The following PLXNA2 variants were observed in gnomAD, a reference collection of about 807,000 sequenced individuals.
The protein encoded by PLXNA2 is plexin A2.
PLXNA2 carries 91 observed loss-of-function variants against 193.5 expected under a neutral mutation model. That is an observed-to-expected ratio of 0.47 (90% CI 0.40 to 0.56). PLXNA2 has a LOEUF of 0.56. PLXNA2 is among the 20% of genes least tolerant of loss of function. PLXNA2 has a pLI of 0.00. For synonymous variants in PLXNA2, 997 were observed against 1,027.3 expected (o/e 0.97, Z 0.56); for missense variants, 1,995 against 2,503.2 (o/e 0.80, Z 4.33).
chr1:208,242,147 C>T (rs1246523956), intron 1 of PLXNA2, among the ~76,000 whole-genome samples: 1 of 152,160 alleles, frequency 6.6e-6, no homozygotes, highest in Non-Finnish European at 1.5e-5. Context: ...AGCTGAATTC[C>T]TCCAGCCAAG....
At chr1:208,064,923 T>C (rs1051769118) in intron 12 of PLXNA2, among the ~76,000 whole-genome samples, 2 of 151,946 alleles carry the variant, frequency 1.3e-5, no homozygotes, top group Admixed American at 6.6e-5. Context: ...CAGGGCTCTC[T>C]CTTAAAAGCA....
intron 9 of PLXNA2, among the ~76,000 whole-genome samples, chr1:208,091,792 C>G (rs1444119827): frequency 6.6e-6 from 1 of 151,058 alleles, no homozygotes; most frequent in Non-Finnish European, 1.5e-5. Flanking sequence ...ATTGCTTGAA[C>G]CCGGGAGGCA....
chr1:208,201,369 G>A (rs955460407), intron 3 of PLXNA2, among the ~76,000 whole-genome samples: 17 of 152,352 alleles, frequency 1.1e-4, no homozygotes, highest in Non-Finnish European at 2.1e-4. Flanking sequence ...AGTACATATT[G>A]TTTGGTGATA....
At chr1:208,205,389 A>G (rs931253965) in intron 3 of PLXNA2, among the ~76,000 whole-genome samples, 1 of 151,972 alleles carries the variant, frequency 6.6e-6, no homozygotes, top group African/African-American at 2.4e-5. Flanking sequence ...CCTCCCCTAC[A>G]TCTGGCCCTA....
intron 3 of PLXNA2, among the ~76,000 whole-genome samples, chr1:208,190,514 T>C (rs1407429111): frequency 3.3e-5 from 5 of 152,240 alleles, no homozygotes; most frequent in Non-Finnish European, 7.3e-5. Context: ...CCAGAAATGT[T>C]GGTTGCCTTG....
At chr1:208,154,691 C>G (rs1222765959) in intron 3 of PLXNA2, among the ~76,000 whole-genome samples, 1 of 152,166 alleles carries the variant, frequency 6.6e-6, no homozygotes, top group Non-Finnish European at 1.5e-5. Context: ...TTTTTGATTT[C>G]CTTTCTAGAT....
chr1:208,232,482 A>G (rs1671721457), intron 1 of PLXNA2, among the ~76,000 whole-genome samples: 1 of 152,162 alleles, frequency 6.6e-6, no homozygotes, highest in Admixed American at 6.5e-5. Flanking sequence ...TATTTCGATG[A>G]AACAAGCTGT....
chr1:208,222,511 T>C (rs567734708), intron 1 of PLXNA2, among the ~76,000 whole-genome samples: 2 of 152,264 alleles, frequency 1.3e-5, no homozygotes, highest in South Asian at 2.1e-4. Context: ...AAATATTTTA[T>C]GTGGAGGGCC....
Position 208,038,768 on chromosome 1 carries a change from C to G in PLXNA2, c.4660+57G>C. The stretch of plus-strand genomic sequence containing the variant: ...CCTGCAAGGGTTGTGTGCATGGCAG[C>G]TTCCCTTCCTTCACCTCTCAACCCC... On this transcript the variant is annotated intron_variant, in intron 25 of 31. Coordinates refer to ENST00000367033, the MANE Select transcript of PLXNA2 (RefSeq NM_025179.4). The surrounding 1 kb of genome is among the most constrained non-coding windows in gnomAD (Gnocchi z 4.1). The G allele has an allele frequency of 1.3e-6, 2 of 1,550,510 alleles. No homozygotes were observed. The highest frequency in any genetic ancestry group is 1.8e-6 in the Non-Finnish European group (2 of 1,131,444).
Position 208,046,003 on chromosome 1 carries a change from T to C in PLXNA2, c.3370A>G (p.Asn1124Asp). 5 of 1,614,226 alleles carry C rather than the reference T, an allele frequency of 3.1e-6. No individual in the cohort carries two copies. Among genetic ancestry groups the C allele is most frequent in the Non-Finnish European group, 4.2e-6 (5 of 1,180,044 alleles). ...ERPDEFGFVF[N>D]NVQSLLIYND... The stretch of plus-strand genomic sequence containing the variant: ...TAAATTAGCAAGGATTGGACATTGT[T>C]AAAGACAAATCCAAACTCATCTGGG... Residue 1124 changes from asparagine to aspartate, a missense_variant, in exon 18 of 32, where the codon AAC (asparagine) becomes GAC (aspartate). By Grantham distance (23) the Asn-to-Asp change is conservative (BLOSUM62 1). Around this residue, in one of 3 missense-constraint regions of PLXNA2, gnomAD observed 1,291 missense variants for 1,673.6 expected, o/e 0.77. Transcript: ENST00000367033.
chr1:208,037,783 C>T, intron 26 of PLXNA2, among the ~76,000 whole-genome samples: 1 of 151,852 alleles, frequency 6.6e-6, no homozygotes, highest in East Asian at 1.9e-4. Context: ...GTGCTAAACA[C>T]CTCACCTTCT....
At chr1:208,128,695 C>CTT (rs34853346) in intron 4 of PLXNA2, among the ~76,000 whole-genome samples, 78 of 81,662 alleles carry the variant, frequency 9.6e-4, no homozygotes, top group African/African-American at 2.2e-3. Context: ...CTGTTTCTTT[C>CTT]TTTTTTTTTT....
In PLXNA2 at chr1:208,098,996, G is replaced by A. The variant is rs200405202; in HGVS notation, c.1608-27C>T. ...TGCCATAAACACAGATTCACAAGAGGTCAGGCCTCTGGGACCCATCTGTTT... is the reference window on the plus strand; with the variant it reads ...TGCCATAAACACAGATTCACAAGAGATCAGGCCTCTGGGACCCATCTGTTT... On this transcript the variant is annotated intron_variant, in intron 5 of 31. Coordinates refer to ENST00000367033, the MANE Select transcript of PLXNA2 (RefSeq NM_025179.4). 1.5e-3 allele frequency: 2,492 copies of A among 1,611,158 alleles called. 7 individuals carry two copies. Among genetic ancestry groups the A allele is most frequent in the Non-Finnish European group, 2.0e-3 (2,355 of 1,179,412 alleles).
At chr1:208,234,338 A>T (rs77356421) in intron 1 of PLXNA2, among the ~76,000 whole-genome samples, 8,771 of 152,132 alleles carry the variant, frequency 0.058, 380 homozygotes, top group South Asian at 0.13. Flanking sequence ...TGCAGTTCAA[A>T]CTCTTTCTTA....
chr1:208,060,932 C>T, intron 12 of PLXNA2, 95 bp from the exon 13 acceptor site: 1 of 1,075,760 alleles, frequency 9.3e-7, no homozygotes, highest in Non-Finnish European at 1.3e-6. Flanking sequence ...TAAGAACCTC[C>T]ATAGGTTCTT....
At chr1:208,060,384 G>C (rs747269855) in intron 13 of PLXNA2, among the ~76,000 whole-genome samples, 8 of 152,194 alleles carry the variant, frequency 5.3e-5, no homozygotes, top group Non-Finnish European at 1.0e-4. Context: ...GGGAAGGGCT[G>C]GGGGAGACCT....
At chr1:208,098,272 A>T (rs1211365976) in intron 6 of PLXNA2, among the ~76,000 whole-genome samples, 3 of 152,214 alleles carry the variant, frequency 2.0e-5, no homozygotes, top group Non-Finnish European at 4.4e-5. Context: ...GAATGCTCAT[A>T]AAACCTTCAG....
intron 4 of PLXNA2, among the ~76,000 whole-genome samples, chr1:208,111,241 T>TTTAA (rs1667464617): frequency 6.6e-6 from 1 of 151,852 alleles, no homozygotes; most frequent in Non-Finnish European, 1.5e-5. Context: ...ATTTAATTTA[T>TTTAA]TTTTTTTGGA....
rs529271903 is a variant in PLXNA2, at chr1:208,183,502, T to A, written c.1371+26778A>T. Among the ~76,000 whole-genome samples, 75 of 150,918 alleles carry A rather than the reference T, an allele frequency of 5.0e-4. 1 individual carries two copies. The highest frequency in any genetic ancestry group is 5.0e-4 in the Non-Finnish European group (34 of 67,878). On this transcript the variant is annotated intron_variant, in intron 3 of 31. Coordinates refer to ENST00000367033, the MANE Select transcript of PLXNA2 (RefSeq NM_025179.4). ...CAGAAAAGAAATGAAGGGGCAGAGA[T>A]GGGAGGGAAACCAGATGTCCGCAGT...
Sources: allele counts gnomAD v4.1 joint callset (sites outside exome capture counted in the v4.1 genomes callset), GRCh38; gene constraint gnomAD v4.1.1; regional missense constraint gnomAD v4.1.1; non-coding constraint Gnocchi (gnomAD v3.1); transcripts MANE v1.5; gene names NCBI Gene and HGNC (gene_info 2026-07-23, HGNC 2026-07-21).